The following RP1L1 variants were observed in gnomAD, a reference collection of about 807,000 sequenced individuals.
The protein encoded by RP1L1 is RP1 like 1.
RP1L1 carries 27 observed loss-of-function variants against 15.7 expected under a neutral mutation model. The observed-to-expected ratio is 1.72, with a 90% CI of 1.27 to 2.38. The LOEUF (loss-of-function observed/expected upper bound fraction) is 2.38. Ranked by LOEUF, RP1L1 falls within the 30% of genes most tolerant of loss-of-function variation. RP1L1 has a pLI of 0.00. For missense variants in RP1L1, 4,798 were observed against 3,075.9 expected, an observed-to-expected ratio of 1.56 and a Z score of -13.24; for synonymous variants, 1,813 against 1,276.7, an observed-to-expected ratio of 1.42 and a Z score of -8.96.
chr8:10,634,587 T>C (rs1406182183), intron 1 of RP1L1, among the ~76,000 whole-genome samples: 1 of 152,166 alleles, frequency 6.6e-6, no homozygotes, highest in Admixed American at 6.5e-5. Flanking sequence ...CTGGCATTGT[T>C]GAGGCACTGC....
rs149289296 is a variant in RP1L1, at chr8:10,616,619, T to A, written c.610-32A>T. The A allele has an allele frequency of 7.2e-4, 1,154 of 1,597,190 alleles. 1 individual carries two copies. The highest frequency in any genetic ancestry group is 8.2e-4 in the Non-Finnish European group (963 of 1,175,430). On this transcript the variant is annotated intron_variant, in intron 2 of 3. Coordinates refer to ENST00000382483, the MANE Select transcript of RP1L1 (RefSeq NM_178857.6). ...GAGGAGCGGGCGGGGTCAGGAGGCC[T>A]GGGCTGCAGAAACCCCTCTACCCTG...
chr8:10,618,349 GA>G (rs1398140855), intron 2 of RP1L1, among the ~76,000 whole-genome samples: 11 of 151,182 alleles, frequency 7.3e-5, no homozygotes, highest in South Asian at 2.1e-4. Context: ...AAAATACAAA[GA>G]AAAAAAAATT....
chr8:10,608,141 G>A lies in RP1L1; in HGVS notation c.5957C>T (p.Thr1986Ile), dbSNP rs1797747127. ...DVEALEVEVE[T>I]QEAEGEAQPE... ...CTGGGCCTCCCCTTCTGCCTCCTGG[G>A]TCTCCACTTCAACCTCCAGGGCCTC... The change falls in exon 4 of 4, where the codon ACC becomes ATC. Residue 1986 changes from threonine to isoleucine, a missense_variant. Transcript: ENST00000382483. 1.9e-6 allele frequency: 3 copies of A among 1,612,492 alleles called. No individual in the cohort carries two copies. Among genetic ancestry groups the A allele is most frequent in the Non-Finnish European group, 2.5e-6 (3 of 1,179,690 alleles).
intron 1 of RP1L1, among the ~76,000 whole-genome samples, chr8:10,627,085 A>G (rs899982962): frequency 2.6e-5 from 4 of 152,170 alleles, no homozygotes; most frequent in East Asian, 1.9e-4. Flanking sequence ...CGGGTCCTCA[A>G]AAATGGAAGC....
chr8:10,617,713 T>C (rs1306440523), intron 2 of RP1L1, among the ~76,000 whole-genome samples: 1 of 152,030 alleles, frequency 6.6e-6, no homozygotes, highest in Admixed American at 6.5e-5. Flanking sequence ...CCCGCCACCA[T>C]ACTCAGCTAA....
At chr8:10,629,326 G>A (rs915048948) in intron 1 of RP1L1, among the ~76,000 whole-genome samples, 1 of 152,166 alleles carries the variant, frequency 6.6e-6, no homozygotes, top group Non-Finnish European at 1.5e-5. Flanking sequence ...GAGAAAGTGA[G>A]AAGGTGACTA....
At chr8:10,647,948 T>C (rs1022734929) in intron 1 of RP1L1, among the ~76,000 whole-genome samples, 3 of 152,240 alleles carry the variant, frequency 2.0e-5, no homozygotes, top group African/African-American at 7.2e-5. Context: ...CACCATTTTA[T>C]ATTCCCACCA....
chr8:10,648,101 G>A (rs1430410310), intron 1 of RP1L1, among the ~76,000 whole-genome samples: 3 of 151,492 alleles, frequency 2.0e-5, no homozygotes, highest in South Asian at 4.2e-4. Context: ...GCGCCATCTC[G>A]GCTCACTGCA....
At position 10,607,048 on chromosome 8, in the gene RP1L1, A is replaced by C; in HGVS notation, c.7050T>G (p.Ser2350=). The C allele has an allele frequency of 6.2e-7, 1 of 1,614,178 alleles. No homozygotes were observed. The highest frequency in any genetic ancestry group is 8.5e-7 in the Non-Finnish European group (1 of 1,180,018). Residue 2350 remains serine, a synonymous_variant, in exon 4 of 4, where the codon TCT becomes TCG. Coordinates refer to ENST00000382483, the MANE Select transcript of RP1L1 (RefSeq NM_178857.6). The part of the protein sequence containing the change: ...ATRMYPESST[S]EQEEAPLGSR... ...AGCCCAAAGGGGCCTCTTCTTGCTC[A>C]GAAGTAGAACTTTCTGGGTACATCC...
chr8:10,615,366 G>C (rs1393684448), intron 3 of RP1L1, among the ~76,000 whole-genome samples: 1 of 152,086 alleles, frequency 6.6e-6, no homozygotes, highest in African/African-American at 2.4e-5. Flanking sequence ...TGGCTCTTTG[G>C]CTGGATATAT....
chr8:10,609,446 T>C lies in RP1L1; in HGVS notation c.4652A>G (p.Asp1551Gly). The change falls in exon 4 of 4, where the codon GAT becomes GGT. Residue 1551 changes from aspartate to glycine, a missense_variant. Asp to Gly is a moderately conservative substitution (Grantham distance 94, BLOSUM62 -1). Transcript: ENST00000382483. The stretch of plus-strand genomic sequence containing the variant: ...CTCGGCCGCCATCTGGTCCAGCAGA[T>C]CATTGTCCTGCAGGCCCCAGCGTGC... ...LRARWGLQDN[D>G]LLDQMAAELQ... 6.2e-7 allele frequency: 1 copy of C among 1,612,464 alleles called. No individual in the cohort carries two copies. The highest frequency in any genetic ancestry group is 1.6e-4 in the Middle Eastern group (1 of 6,062).
intron 2 of RP1L1, among the ~76,000 whole-genome samples, 163 bp downstream of exon 2, chr8:10,622,430 T>C (rs1489917075): frequency 3.3e-5 from 5 of 152,198 alleles, no homozygotes; most frequent in Admixed American, 3.3e-4. Flanking sequence ...AGCTGCTTGT[T>C]GATTTATTGA....
chr8:10,620,895 C>T (rs1472259863), intron 2 of RP1L1, among the ~76,000 whole-genome samples: 1 of 152,206 alleles, frequency 6.6e-6, no homozygotes, highest in Admixed American at 6.5e-5. Flanking sequence ...GCTCAGACCC[C>T]TCAGGAATAT....
intron 1 of RP1L1, among the ~76,000 whole-genome samples, chr8:10,651,731 T>G (rs1043022071): frequency 1.4e-5 from 2 of 140,962 alleles, no homozygotes; most frequent in Admixed American, 7.6e-5. Flanking sequence ...CACTCCAGCC[T>G]GGCAACAGAG....
rs1401499556 is a variant in RP1L1 at position 10,610,409 on chromosome 8, A to T, written c.3689T>A (p.Leu1230Gln). ...CCTCTGGTTGGAGGTTTTCAGGGGC[A>T]GCTCTGTCCCCTGTGTCACCAGGGT... ...DGTLVTQGTE[L>Q]PLKTSNQRPD... is the part of the protein sequence containing the mutation. The change falls in exon 4 of 4, where the codon CTG (leucine) becomes CAG (glutamine). Residue 1230 changes from leucine to glutamine, a missense_variant. Coordinates refer to ENST00000382483, the MANE Select transcript of RP1L1 (RefSeq NM_178857.6). 6.2e-7 allele frequency: 1 copy of T among 1,613,862 alleles called. No homozygotes were observed. The highest frequency in any genetic ancestry group is 8.5e-7 in the Non-Finnish European group (1 of 1,180,034).
At position 10,622,943 on chromosome 8, in the gene RP1L1, G is replaced by GGCCCC; in HGVS notation, c.254_258dup (p.Leu87GlyfsTer72). 1 of 1,614,086 alleles carries GGCCCC rather than the reference G, an allele frequency of 6.2e-7. No homozygotes were observed. The highest frequency in any genetic ancestry group is 8.5e-7 in the Non-Finnish European group (1 of 1,179,996). ...TGCTCCAGGGCGCTGAGGCTATGCAGGCCCCGGGGTGTGGTGACAGAGCGC... is the reference window on the plus strand; with the variant it reads ...TGCTCCAGGGCGCTGAGGCTATGCAGGCCCCGCCCCGGGGTGTGGTGACAGAGCGC... On this transcript the variant is annotated frameshift_variant, in exon 2 of 4. Transcript: ENST00000382483. LOFTEE classifies it high-confidence loss of function.
chr8:10,606,600 T>A lies in RP1L1; in HGVS notation c.*295A>T. ...TGGAGCCTTTCCAATCAGTTCCATC[T>A]TTCGGGCTCTGCAGACAAATAAATA... On this transcript the variant is annotated 3_prime_UTR_variant, in exon 4 of 4. Coordinates refer to ENST00000382483, the MANE Select transcript of RP1L1 (RefSeq NM_178857.6). 1 of 435,348 alleles carries A rather than the reference T, an allele frequency of 2.3e-6. No individual in the cohort carries two copies. The highest frequency in any genetic ancestry group is 4.1e-6 in the Non-Finnish European group (1 of 242,620). 27.0% of individuals were successfully genotyped at this position (435,348 alleles called of 1,614,324 possible).
chr8:10,625,004 C>A (rs550753239), intron 1 of RP1L1, among the ~76,000 whole-genome samples: 3 of 152,178 alleles, frequency 2.0e-5, no homozygotes, highest in African/African-American at 7.2e-5. Context: ...TCAGATCCCC[C>A]ACTTTGTCCA....
intron 1 of RP1L1, among the ~76,000 whole-genome samples, chr8:10,648,943 A>T (rs1051904760): frequency 1.9e-4 from 29 of 152,206 alleles, no homozygotes; most frequent in Admixed American, 1.6e-3. Context: ...AGGACGCTTC[A>T]GGGCCAGGGA....
Sources: gnomAD v4.1 joint callset for allele counts (sites outside exome capture counted in the v4.1 genomes callset) on GRCh38, gnomAD v4.1.1 for gene constraint, MANE v1.5 for transcripts, NCBI Gene and HGNC (gene_info 2026-07-23, HGNC 2026-07-21) for gene names.